SEMA5A: variants seen among roughly 807,000 people sequenced by gnomAD.
SEMA5A encodes the protein semaphorin 5A, also known as semaphorin-5A.
In SEMA5A, 55 loss-of-function variants were observed where a neutral mutation model predicts 135.5. The observed-to-expected ratio is 0.41, with a 90% CI of 0.33 to 0.51. The LOEUF (loss-of-function observed/expected upper bound fraction) is 0.51. SEMA5A is among the 20% of genes least tolerant of loss of function. The probability of loss-of-function intolerance (pLI) is 0.37; values close to 1 mark genes in which losing one functional copy is unlikely to be tolerated. For missense variants in SEMA5A, 1,290 were observed against 1,419.9 expected, an observed-to-expected ratio of 0.91 and a Z score of 1.47; for synonymous variants, 580 against 546.5, an observed-to-expected ratio of 1.06 and a Z score of -0.85.
At chr5:9,129,085 A>G (rs112648290) in intron 13 of SEMA5A, among the ~76,000 whole-genome samples, 217 of 152,342 alleles carry the variant, frequency 1.4e-3, no homozygotes, top group African/African-American at 4.7e-3. Context: ...GATGCTATAA[A>G]TGTTCTCTTT....
chr5:9,038,919 GA>G lies in SEMA5A; in HGVS notation c.*3977del, dbSNP rs1735805566. 1 of 152,138 alleles carries G rather than the reference GA, an allele frequency of 6.6e-6. No individual in the cohort carries two copies. The allele number at this position is 152,138 out of a possible 1,614,324, so 9.4% of individuals were successfully genotyped here. ...ATATTTTGTATATTTTGTAGAGATG[GA>G]GTTTCCCCATGTTGCCCAGGCTGGT... On this transcript the variant is annotated 3_prime_UTR_variant, in exon 23 of 23. Transcript: ENST00000382496.
chr5:9,432,324 G>A (rs1375111049), intron 2 of SEMA5A, among the ~76,000 whole-genome samples: 1 of 152,166 alleles, frequency 6.6e-6, no homozygotes, highest in Non-Finnish European at 1.5e-5. Flanking sequence ...CAACCACTCA[G>A]CATGTTTAAG....
chr5:9,369,780 CAA>C (rs538148385), intron 3 of SEMA5A, among the ~76,000 whole-genome samples: 2 of 132,450 alleles, frequency 1.5e-5, no homozygotes, highest in African/African-American at 2.7e-5. Flanking sequence ...CAGAACAAAC[CAA>C]AAAAAAAAAA....
chr5:9,442,991 G>C (rs1045433376), intron 1 of SEMA5A, among the ~76,000 whole-genome samples: 6 of 152,204 alleles, frequency 3.9e-5, no homozygotes, highest in African/African-American at 1.4e-4. Flanking sequence ...TTGATTGACA[G>C]GAACTATGTG....
intron 1 of SEMA5A, among the ~76,000 whole-genome samples, chr5:9,513,149 A>G (rs1389983316): frequency 6.6e-6 from 1 of 150,452 alleles, no homozygotes; most frequent in Non-Finnish European, 1.5e-5. Flanking sequence ...AAATTTTTCA[A>G]GAAAATAAAT....
Position 9,125,405 on chromosome 5 carries a change from C to T in SEMA5A, c.1600-2568G>A, listed in dbSNP as rs150365543. 4.5e-4 allele frequency among the ~76,000 whole-genome samples: 69 copies of T among 152,254 alleles called. 1 individual carries two copies. In the East Asian group the frequency reaches 4.8e-3, roughly 11 times the overall value. On this transcript the variant is annotated intron_variant, in intron 13 of 22. Transcript: ENST00000382496. ...AGTTTGTTACATAGGTATACATGTG[C>T]CATGGTGGTTTGCTGCATCTATCAA...
intron 4 of SEMA5A, among the ~76,000 whole-genome samples, chr5:9,322,964 T>G (rs1752694654): frequency 6.6e-6 from 1 of 152,210 alleles, no homozygotes; most frequent in East Asian, 1.9e-4. Context: ...AATAACAAAC[T>G]TTTGATCCTA....
chr5:9,505,633 A>G (rs148726494), intron 1 of SEMA5A, among the ~76,000 whole-genome samples: 170 of 152,314 alleles, frequency 1.1e-3, no homozygotes, highest in African/African-American at 3.9e-3. Flanking sequence ...AGAATGCCAG[A>G]ACCCAAACAT....
intron 16 of SEMA5A, among the ~76,000 whole-genome samples, chr5:9,084,328 G>A (rs890642082): frequency 6.6e-6 from 1 of 152,072 alleles, no homozygotes; most frequent in Non-Finnish European, 1.5e-5. Flanking sequence ...AGCATGAGTG[G>A]GGCTCCTTGT....
At chr5:9,156,564 C>A (rs1256931994) in intron 11 of SEMA5A, among the ~76,000 whole-genome samples, 1 of 152,170 alleles carries the variant, frequency 6.6e-6, no homozygotes, top group African/African-American at 2.4e-5. Flanking sequence ...GCAGGGGAAG[C>A]AAGGCTCATG....
rs1021704428 is a variant in SEMA5A at position 9,545,794 on chromosome 5, G to A, written c.-385C>T. The A allele has an allele frequency of 6.6e-6, 1 of 152,404 alleles. No homozygotes were observed. The highest frequency in any genetic ancestry group is 1.5e-5 in the Non-Finnish European group (1 of 68,212). The allele number at this position is 152,404 out of a possible 1,614,324, so 9.4% of individuals were successfully genotyped here. ...CGGTCCCCGAGCGCGCGGCCAACCGGTGGGTGGGCAGGTTCGCGCCCAGCA... is the reference window on the plus strand; with the variant it reads ...CGGTCCCCGAGCGCGCGGCCAACCGATGGGTGGGCAGGTTCGCGCCCAGCA... On this transcript the variant is annotated 5_prime_UTR_variant, in exon 1 of 23. Coordinates refer to ENST00000382496, the MANE Select transcript of SEMA5A (RefSeq NM_003966.3). The surrounding 1 kb of genome is among the most constrained non-coding windows in gnomAD (Gnocchi z 4.5).
intron 1 of SEMA5A, among the ~76,000 whole-genome samples, chr5:9,483,961 G>T (rs968000109): frequency 2.6e-5 from 4 of 152,154 alleles, no homozygotes; most frequent in Non-Finnish European, 5.9e-5. Context: ...TCAACAGACA[G>T]GAAGTAACAG....
intron 1 of SEMA5A, among the ~76,000 whole-genome samples, chr5:9,451,893 T>A (rs907930703): frequency 9.9e-5 from 15 of 152,054 alleles, no homozygotes; most frequent in Non-Finnish European, 2.2e-4. Flanking sequence ...CTACCCAGCA[T>A]GGAGGAAACA....
At position 9,545,088 on chromosome 5, in the gene SEMA5A, T is replaced by A. The variant is rs1258804128; in HGVS notation, c.-175+496A>T. 6.6e-6 allele frequency among the ~76,000 whole-genome samples: 1 copy of A among 152,108 alleles called. No homozygotes were observed. Among genetic ancestry groups the A allele is most frequent in the Admixed American group, 6.5e-5 (1 of 15,280 alleles). On this transcript the variant is annotated intron_variant, in intron 1 of 22. Transcript: ENST00000382496. This position sits in a 1 kb window ranked among gnomAD's most constrained non-coding sequence, Gnocchi z 4.5. ...TGGCGGAGTTGAGCCCAAGTCCCAT[T>A]GCCTCCCGGTTCCCCTGTAAGGAAA... is the stretch of plus-strand genomic sequence containing the variant.
chr5:9,451,518 G>A (rs748549025), intron 1 of SEMA5A, among the ~76,000 whole-genome samples: 3 of 152,190 alleles, frequency 2.0e-5, no homozygotes, highest in Non-Finnish European at 4.4e-5. Flanking sequence ...AAGAGCCATA[G>A]TCAGAAAAGT....
Position 9,097,493 on chromosome 5 carries a change from T to G in SEMA5A, c.2073+10647A>C, listed in dbSNP as rs563396603. 2.6e-5 allele frequency among the ~76,000 whole-genome samples: 4 copies of G among 152,348 alleles called. No homozygotes were observed. The South Asian group carries it at 8.3e-4, about 32-fold the overall frequency. ...AGCAGATGTATGTCTCTGAAGCTTT[T>G]TGTTCAATTCTCTACTTACTTCATT... On this transcript the variant is annotated intron_variant, in intron 16 of 22. Transcript: ENST00000382496.
chr5:9,263,465 C>T (rs935655904), intron 5 of SEMA5A, among the ~76,000 whole-genome samples: 2 of 152,110 alleles, frequency 1.3e-5, no homozygotes, highest in Non-Finnish European at 2.9e-5. Context: ...GACTCTAGTG[C>T]CTGATAATCT....
chr5:9,140,965 A>G (rs1742036916), intron 12 of SEMA5A, among the ~76,000 whole-genome samples: 1 of 152,238 alleles, frequency 6.6e-6, no homozygotes, highest in South Asian at 2.1e-4. Flanking sequence ...TTTTAAGTGG[A>G]AAGCTGCATG....
chr5:9,316,680 A>G (rs548565800), intron 5 of SEMA5A, among the ~76,000 whole-genome samples: 130 of 152,290 alleles, frequency 8.5e-4, no homozygotes, highest in Non-Finnish European at 1.5e-3. Context: ...AATAAAAATT[A>G]TATATATTGA....
Sources: gnomAD v4.1 joint callset for allele counts (sites outside exome capture counted in the v4.1 genomes callset) on GRCh38, gnomAD v4.1.1 for gene constraint, Gnocchi (gnomAD v3.1) non-coding constraint, MANE v1.5 for transcripts, NCBI Gene and HGNC (gene_info 2026-07-23, HGNC 2026-07-21) for gene names.